IL1RAPL2: variants seen among roughly 807,000 people sequenced by gnomAD.
IL1RAPL2 encodes the protein X-linked interleukin-1 receptor accessory protein-like 2.
IL1RAPL2 carries 3 observed loss-of-function variants against 44.1 expected under a neutral mutation model. That is an observed-to-expected ratio of 0.07 (90% CI 0.03 to 0.18). IL1RAPL2 has a LOEUF of 0.18. Among genes scored for constraint, IL1RAPL2 ranks in the 10% least tolerant of loss-of-function variants. IL1RAPL2 has a pLI of 1.00. For synonymous variants in IL1RAPL2, 181 were observed against 178.8 expected (o/e 1.01, Z -0.10); for missense variants, 391 against 496.4 (o/e 0.79, Z 2.02).
At chrX:105,246,367 G>T (rs748490234) in intron 4 of IL1RAPL2, among the ~76,000 whole-genome samples, 9 of 112,266 alleles carry the variant, frequency 8.0e-5, no homozygotes, top group Non-Finnish European at 1.3e-4. Flanking sequence ...GCAGCTTGCT[G>T]CACAGAAAGC....
At chrX:105,164,206 G>C (rs2033351948) in intron 2 of IL1RAPL2, among the ~76,000 whole-genome samples, 1 of 111,542 alleles carries the variant, frequency 9.0e-6, no homozygotes, top group Admixed American at 9.6e-5. Context: ...ATTTGATTGA[G>C]TTCTCATATT....
chrX:105,097,095 G>C (rs760375053), intron 2 of IL1RAPL2, among the ~76,000 whole-genome samples: 1 of 109,430 alleles, frequency 9.1e-6, no homozygotes, highest in East Asian at 2.9e-4. Context: ...TTGGGAGGCC[G>C]AGGCGGGCGG....
intron 2 of IL1RAPL2, among the ~76,000 whole-genome samples, chrX:104,798,005 G>C (rs757044103): frequency 4.7e-4 from 53 of 111,761 alleles, no homozygotes; most frequent in Middle Eastern, 4.7e-3. Flanking sequence ...TTAGAGCCCA[G>C]GGAACTGAGA....
intron 2 of IL1RAPL2, among the ~76,000 whole-genome samples, chrX:105,040,517 C>T (rs1423047356): frequency 3.6e-5 from 4 of 110,319 alleles, no homozygotes; most frequent in African/African-American, 1.3e-4. Flanking sequence ...GTCCTGGACT[C>T]CTTTTGGTTG....
intron 2 of IL1RAPL2, among the ~76,000 whole-genome samples, chrX:105,087,407 G>A (rs2032492736): frequency 9.0e-6 from 1 of 111,698 alleles, no homozygotes; most frequent in South Asian, 3.7e-4. Flanking sequence ...GTTTTCACTG[G>A]CCATGAAACA....
At chrX:104,700,692 T>C (rs1931260021) in intron 2 of IL1RAPL2, among the ~76,000 whole-genome samples, 4 of 111,569 alleles carry the variant, frequency 3.6e-5, no homozygotes, top group Middle Eastern at 4.7e-3. Flanking sequence ...CATTGGTGAC[T>C]ACAGAGGGTG....
intron 4 of IL1RAPL2, among the ~76,000 whole-genome samples, chrX:105,235,071 T>C (rs2034108730): frequency 9.0e-6 from 1 of 110,921 alleles, no homozygotes; most frequent in Non-Finnish European, 1.9e-5. Context: ...CTGCTCTCTG[T>C]TTATTTGCTA....
chrX:105,491,515 G>A (rs1298405355), intron 6 of IL1RAPL2, among the ~76,000 whole-genome samples: 1 of 111,853 alleles, frequency 8.9e-6, no homozygotes, highest in East Asian at 2.8e-4. Flanking sequence ...ACACTATGGA[G>A]ACTTTGGAGA....
chrX:105,741,747 T>G (rs1210715909), intron 8 of IL1RAPL2, among the ~76,000 whole-genome samples: 1 of 111,719 alleles, frequency 9.0e-6, no homozygotes, highest in East Asian at 2.8e-4. Flanking sequence ...GAAAGTAAAG[T>G]CAGAAGACCC....
chrX:105,018,421 G>A (rs61655668), intron 2 of IL1RAPL2, among the ~76,000 whole-genome samples: 2 of 111,399 alleles, frequency 1.8e-5, no homozygotes, highest in Admixed American at 1.9e-4. Flanking sequence ...CCTCACTTCA[G>A]TTGCCTTCTC....
chrX:104,890,648 T>C (rs1009742964), intron 2 of IL1RAPL2, among the ~76,000 whole-genome samples: 13 of 112,387 alleles, frequency 1.2e-4, no homozygotes, highest in African/African-American at 3.6e-4. Flanking sequence ...TGGGATTGTC[T>C]GTTTTTTTCT....
At chrX:105,743,316 C>T (rs190196653) in intron 8 of IL1RAPL2, among the ~76,000 whole-genome samples, 1 of 111,634 alleles carries the variant, frequency 9.0e-6, no homozygotes, top group East Asian at 2.8e-4. Context: ...TCTGTTCTTA[C>T]ATCTGATCTC....
intron 2 of IL1RAPL2, among the ~76,000 whole-genome samples, chrX:104,961,997 A>T (rs977458777): frequency 8.9e-6 from 1 of 112,153 alleles, no homozygotes; most frequent in African/African-American, 3.2e-5. Context: ...AATGTGTACC[A>T]TCTGTTTCGT....
At chrX:105,063,027 C>G (rs912330690) in intron 2 of IL1RAPL2, among the ~76,000 whole-genome samples, 1 of 111,026 alleles carries the variant, frequency 9.0e-6, no homozygotes, top group Non-Finnish European at 1.9e-5. Flanking sequence ...CTTCGTAGCC[C>G]TATTTTGTTC....
intron 1 of IL1RAPL2, among the ~76,000 whole-genome samples, chrX:104,621,225 T>C (rs975480965): frequency 3.7e-5 from 4 of 107,005 alleles, no homozygotes; most frequent in Admixed American, 3.1e-4. Context: ...TAGAGAAGTA[T>C]GTACATCTCA....
At chrX:104,827,300 G>A (rs1161185517) in intron 2 of IL1RAPL2, among the ~76,000 whole-genome samples, 1 of 111,340 alleles carries the variant, frequency 9.0e-6, no homozygotes. Context: ...TCCTTCAGGA[G>A]TTCTTCTAAG....
intron 2 of IL1RAPL2, among the ~76,000 whole-genome samples, chrX:104,886,960 C>G (rs1221047124): frequency 8.9e-6 from 1 of 112,307 alleles, no homozygotes; most frequent in Non-Finnish European, 1.9e-5. Context: ...AACTTTCTAG[C>G]TAATCAAGGG....
At chrX:105,039,497 G>C (rs1462192905) in intron 2 of IL1RAPL2, among the ~76,000 whole-genome samples, 1 of 111,677 alleles carries the variant, frequency 9.0e-6, no homozygotes, top group African/African-American at 3.3e-5. Context: ...TAGGTTCTGG[G>C]TCAACTTCTG....
chrX:105,457,636 A>ATGTATG (rs1051666786), intron 5 of IL1RAPL2, among the ~76,000 whole-genome samples: 5 of 108,812 alleles, frequency 4.6e-5, no homozygotes, highest in Non-Finnish European at 7.6e-5. Flanking sequence ...ATGTATATAT[A>ATGTATG]TGTATGTTTT....
Sources: allele counts gnomAD v4.1 joint callset (sites outside exome capture counted in the v4.1 genomes callset), GRCh38; gene constraint gnomAD v4.1.1; transcripts MANE v1.5; gene names NCBI Gene and HGNC (gene_info 2026-07-23, HGNC 2026-07-21).